The following CCDC88C variants were observed in gnomAD, a reference collection of about 807,000 sequenced individuals.
The protein encoded by CCDC88C is protein Daple.
In CCDC88C, 131 loss-of-function variants were observed where a neutral mutation model predicts 198.8. That is an observed-to-expected ratio of 0.66 (90% CI 0.57 to 0.76). CCDC88C has a LOEUF of 0.76. CCDC88C is among the 30% of genes least tolerant of loss of function. CCDC88C has a pLI of 0.00. For missense variants in CCDC88C, 2,553 were observed against 2,631.6 expected, an observed-to-expected ratio of 0.97 and a Z score of 0.65; for synonymous variants, 1,166 against 1,114.7, an observed-to-expected ratio of 1.05 and a Z score of -0.92.
chr14:91,323,297 C>T (rs146195868), intron 12 of CCDC88C, among the ~76,000 whole-genome samples: 44 of 152,254 alleles, frequency 2.9e-4, no homozygotes, highest in Admixed American at 1.1e-3. Context: ...GAAGAGCTGC[C>T]CTCTACAGAA....
chr14:91,415,025 C>T (rs1376606380), intron 2 of CCDC88C, among the ~76,000 whole-genome samples: 1 of 152,124 alleles, frequency 6.6e-6, no homozygotes, highest in African/African-American at 2.4e-5. Flanking sequence ...AGAAACAGTC[C>T]CAGTGCTTTT....
chr14:91,385,731 A>G (rs1214369566), intron 3 of CCDC88C, among the ~76,000 whole-genome samples: 1 of 152,120 alleles, frequency 6.6e-6, no homozygotes, highest in African/African-American at 2.4e-5. Flanking sequence ...TGGGAGGCCA[A>G]GGTGGGAGGA....
At position 91,324,875 on chromosome 14, in the gene CCDC88C, T is replaced by C; in HGVS notation, c.1246A>G (p.Met416Val). Residue 416 changes from methionine to valine, a missense_variant, in exon 12 of 30, where the codon ATG becomes GTG. This residue lies in a region of CCDC88C where 1,260 missense variants were observed against 1,412.0 expected (regional missense o/e 0.89). Coordinates refer to ENST00000389857, the MANE Select transcript of CCDC88C (RefSeq NM_001080414.4). ...TGCTTCTGTGCAATCTCAAGGACCA[T>C]GTTTTCTTCCAGCAGCTCCTCAATT... ...KRIEELLEEN[M>V]VLEIAQKQSM... 1 of 1,613,914 alleles carries C rather than the reference T, an allele frequency of 6.2e-7. No individual in the cohort carries two copies. Among genetic ancestry groups the C allele is most frequent in the Non-Finnish European group, 8.5e-7 (1 of 1,179,890 alleles).
Position 91,416,788 on chromosome 14 carries a change from C to T in CCDC88C, c.111G>A (p.Met37Ile). The change falls in exon 2 of 30, where the codon ATG becomes ATA. Residue 37 changes from methionine (M) to isoleucine (I), a missense_variant. Transcript: ENST00000389857. ...AGATGCCGTCCACTAAATCCATGTA[C>T]ATAGTCAGGTTGTCCTGGCTGCCGC... ...FGSGSQDNLT[M>I]YMDLVDGIFL... The T allele has an allele frequency of 6.2e-7, 1 of 1,613,726 alleles. No homozygotes were observed. The highest frequency in any genetic ancestry group is 8.5e-7 in the Non-Finnish European group (1 of 1,179,806).
chr14:91,350,246 C>T (rs543924154), intron 4 of CCDC88C, among the ~76,000 whole-genome samples: 2 of 152,056 alleles, frequency 1.3e-5, no homozygotes, highest in South Asian at 2.1e-4. Context: ...CTGCAAACTC[C>T]GCCTCCCGGG....
chr14:91,340,203 C>A (rs1040099403), intron 6 of CCDC88C, among the ~76,000 whole-genome samples, 179 bp from the exon 7 acceptor site: 5 of 152,224 alleles, frequency 3.3e-5, no homozygotes, highest in African/African-American at 1.2e-4. Context: ...GAGCCCTGTT[C>A]ATACGAACCA....
intron 18 of CCDC88C, among the ~76,000 whole-genome samples, chr14:91,306,699 T>G (rs1270012923): frequency 6.6e-6 from 1 of 152,090 alleles, no homozygotes; most frequent in African/African-American, 2.4e-5. Flanking sequence ...CCAGACAACC[T>G]CTAAACAATG....
intron 3 of CCDC88C, among the ~76,000 whole-genome samples, chr14:91,389,996 C>T (rs10139958): frequency 0.71 from 107,197 of 151,366 alleles, 38,520 homozygotes; most frequent in Non-Finnish European, 0.77. Context: ...GGCGTGAACC[C>T]GGGAGGCGGA....
At chr14:91,397,938 A>C (rs930670035) in intron 3 of CCDC88C, among the ~76,000 whole-genome samples, 2 of 152,244 alleles carry the variant, frequency 1.3e-5, no homozygotes, top group Admixed American at 6.5e-5. Flanking sequence ...CTGATGATGA[A>C]GAAAACTTGC....
At chr14:91,334,668 A>C (rs926721207) in intron 10 of CCDC88C, among the ~76,000 whole-genome samples, 1 of 152,252 alleles carries the variant, frequency 6.6e-6, no homozygotes, top group Non-Finnish European at 1.5e-5. Flanking sequence ...CTGGATTTTC[A>C]TATAAACCTG....
chr14:91,393,202 G>A (rs532820653), intron 3 of CCDC88C, among the ~76,000 whole-genome samples: 24 of 152,272 alleles, frequency 1.6e-4, no homozygotes, highest in Non-Finnish European at 2.5e-4. Flanking sequence ...GGGTTGGGCC[G>A]CTTGCCCCAG....
intron 3 of CCDC88C, among the ~76,000 whole-genome samples, chr14:91,384,162 C>T (rs902299354): frequency 6.6e-6 from 1 of 152,006 alleles, no homozygotes; most frequent in Admixed American, 6.5e-5. Flanking sequence ...GGAGGCTAGG[C>T]GTGGTGGCTC....
chr14:91,396,314 A>G (rs2139991235), intron 3 of CCDC88C, among the ~76,000 whole-genome samples: 1 of 152,350 alleles, frequency 6.6e-6, no homozygotes, highest in South Asian at 2.1e-4. Context: ...CCCAAGGCAA[A>G]GGAGAAACCT....
At position 91,339,019 on chromosome 14, in the gene CCDC88C, G is replaced by C. The variant is rs1893184371; in HGVS notation, c.809+259C>G. 2 of 576,294 alleles carry C rather than the reference G, an allele frequency of 3.5e-6. No homozygotes were observed. Among genetic ancestry groups the C allele is most frequent in the African/African-American group, 1.9e-5 (1 of 53,832 alleles). The allele number at this position is 576,294 out of a possible 1,614,324, so 35.7% of individuals were successfully genotyped here. ...TGGAGCTGAGCGTGGACTGGAGGCT[G>C]CTTCTGTGGACAACTTGCACCGTCT... On this transcript the variant is annotated intron_variant, in intron 8 of 29. Coordinates refer to ENST00000389857, the MANE Select transcript of CCDC88C (RefSeq NM_001080414.4). This position sits in a 1 kb window ranked among gnomAD's most constrained non-coding sequence, Gnocchi z 5.8.
At chr14:91,370,366 G>A (rs116607032) in intron 3 of CCDC88C, among the ~76,000 whole-genome samples, 10 of 152,210 alleles carry the variant, frequency 6.6e-5, no homozygotes, top group South Asian at 2.1e-4. Flanking sequence ...GTGCCCACGC[G>A]TCCAGAAGAA....
At chr14:91,309,828 C>T (rs1891736260) in intron 16 of CCDC88C, 31 bp downstream of exon 16, 1 of 1,591,964 alleles carries the variant, frequency 6.3e-7, no homozygotes, top group African/African-American at 1.3e-5. Flanking sequence ...GAAGTGCTCC[C>T]ACGATGGGGA....
intron 10 of CCDC88C, among the ~76,000 whole-genome samples, chr14:91,328,754 C>A (rs941682637): frequency 1.3e-5 from 2 of 152,204 alleles, no homozygotes; most frequent in African/African-American, 4.8e-5. Flanking sequence ...GTGTGAAATA[C>A]TCCATGCGCA....
intron 3 of CCDC88C, among the ~76,000 whole-genome samples, chr14:91,382,291 C>A (rs2139955239): frequency 6.6e-6 from 1 of 152,322 alleles, no homozygotes; most frequent in South Asian, 2.1e-4. Context: ...GCAGCCACAA[C>A]CAATCAACTC....
In CCDC88C at chr14:91,360,630, G is replaced by A. The variant is rs182249328; in HGVS notation, c.271-919C>T. ...ACATCAGAGCTGCTCTGCCCAGCCC[G>A]AGGTGGGGCACAGGCGATGAGCTGC... is the stretch of plus-strand genomic sequence containing the variant. On this transcript the variant is annotated intron_variant, in intron 3 of 29. Transcript: ENST00000389857. Among the ~76,000 whole-genome samples the A allele has an allele frequency of 1.5e-4, 23 of 152,270 alleles. No individual in the cohort carries two copies. The East Asian group carries it at 4.2e-3, about 28-fold the overall frequency.
Sources: allele counts gnomAD v4.1 joint callset (sites outside exome capture counted in the v4.1 genomes callset), GRCh38; gene constraint gnomAD v4.1.1; regional missense constraint gnomAD v4.1.1; non-coding constraint Gnocchi (gnomAD v3.1); transcripts MANE v1.5; gene names NCBI Gene and HGNC (gene_info 2026-07-23, HGNC 2026-07-21).